RBFOX1: variants seen among roughly 807,000 people sequenced by gnomAD.
RBFOX1 encodes RNA binding protein fox-1 homolog 1.
In RBFOX1, 8 loss-of-function variants were observed where a neutral mutation model predicts 57.7. The observed-to-expected ratio is 0.14, with a 90% CI of 0.08 to 0.25. The LOEUF (loss-of-function observed/expected upper bound fraction) is 0.25, where lower values mean the gene tolerates loss of function less well. Among genes scored for constraint, RBFOX1 ranks in the 10% least tolerant of loss-of-function variants. The probability of loss-of-function intolerance (pLI) is 1.00; values close to 1 mark genes in which losing one functional copy is unlikely to be tolerated. For missense variants in RBFOX1, 611 were observed against 548.5 expected (o/e 1.11, Z -1.14); for synonymous variants, 326 against 222.4 (o/e 1.47, Z -4.15).
chr16:5,779,737 T>C (rs1274668205), intron 3 of RBFOX1, among the ~76,000 whole-genome samples: 1 of 152,136 alleles, frequency 6.6e-6, no homozygotes, highest in Non-Finnish European at 1.5e-5. Flanking sequence ...TGCCCTGATA[T>C]TTGGCCTTGG....
At chr16:6,477,268 A>G (rs940534626) in intron 2 of RBFOX1, among the ~76,000 whole-genome samples, 4 of 152,238 alleles carry the variant, frequency 2.6e-5, no homozygotes, top group African/African-American at 9.6e-5. Context: ...GCCCAGAACC[A>G]TCAGAAGAAT....
chr16:6,179,458 ACT>A (rs1365899788), intron 1 of RBFOX1, among the ~76,000 whole-genome samples: 4 of 151,992 alleles, frequency 2.6e-5, no homozygotes, highest in African/African-American at 9.7e-5. Context: ...CCATGTTGGG[ACT>A]CTCTGATGCC....
At chr16:7,634,301 TAC>T (rs1440154089) in intron 11 of RBFOX1, among the ~76,000 whole-genome samples, 3 of 152,210 alleles carry the variant, frequency 2.0e-5, no homozygotes, top group Non-Finnish European at 4.4e-5. Flanking sequence ...CCTATGTGTC[TAC>T]AGACTTGCAA....
chr16:7,417,722 T>G (rs944828311), intron 4 of RBFOX1, among the ~76,000 whole-genome samples: 4 of 152,206 alleles, frequency 2.6e-5, no homozygotes, highest in Non-Finnish European at 5.9e-5. Context: ...GTGTTCTCCA[T>G]CTTTATAATT....
chr16:6,524,870 C>T (rs1041028474), intron 2 of RBFOX1, among the ~76,000 whole-genome samples: 2 of 152,164 alleles, frequency 1.3e-5, no homozygotes, highest in Admixed American at 6.5e-5. Context: ...ATCTCCCTCT[C>T]TTTATAAGGA....
intron 4 of RBFOX1, among the ~76,000 whole-genome samples, chr16:7,171,573 A>T (rs570008209): frequency 6.6e-6 from 1 of 152,194 alleles, no homozygotes; most frequent in Admixed American, 6.5e-5. Context: ...CAGTGTTTAG[A>T]ATGTAATTTT....
At chr16:5,659,201 C>G (rs997902940) in intron 3 of RBFOX1, among the ~76,000 whole-genome samples, 2 of 151,112 alleles carry the variant, frequency 1.3e-5, no homozygotes, top group Admixed American at 6.6e-5. Context: ...TATGGCCATT[C>G]TTGCAGGCAT....
chr16:6,331,956 A>C (rs922756617), intron 2 of RBFOX1, among the ~76,000 whole-genome samples: 3 of 152,154 alleles, frequency 2.0e-5, no homozygotes, highest in Admixed American at 2.0e-4. Flanking sequence ...AGAGGCTGAC[A>C]TTCTTAATAG....
At chr16:6,897,371 C>G (rs1345681690) in intron 3 of RBFOX1, among the ~76,000 whole-genome samples, 1 of 152,078 alleles carries the variant, frequency 6.6e-6, no homozygotes, top group Non-Finnish European at 1.5e-5. Flanking sequence ...CCATTGCACT[C>G]CAGCCGGGGT....
chr16:5,726,697 A>G (rs1328446236), intron 3 of RBFOX1, among the ~76,000 whole-genome samples: 2 of 152,218 alleles, frequency 1.3e-5, no homozygotes, highest in African/African-American at 4.8e-5. Context: ...TGCAATGCTA[A>G]TAGCTATAGG....
chr16:6,240,381 C>T (rs1217254353), intron 1 of RBFOX1, among the ~76,000 whole-genome samples: 1 of 152,080 alleles, frequency 6.6e-6, no homozygotes. Flanking sequence ...TGGCTTTCAT[C>T]TCTGGATGGT....
intron 3 of RBFOX1, among the ~76,000 whole-genome samples, chr16:6,888,452 C>T (rs900345624): frequency 1.3e-5 from 2 of 152,146 alleles, no homozygotes; most frequent in South Asian, 4.1e-4. Context: ...TAGTCACTTA[C>T]TGTCTTGGGT....
intron 3 of RBFOX1, among the ~76,000 whole-genome samples, chr16:6,990,769 G>C (rs2091291227): frequency 6.6e-6 from 1 of 152,094 alleles, no homozygotes; most frequent in Non-Finnish European, 1.5e-5. Context: ...GTCCATCTCA[G>C]GATAGTTCGA....
At chr16:7,705,972 G>C (rs1337605891) in intron 14 of RBFOX1, among the ~76,000 whole-genome samples, 1 of 152,164 alleles carries the variant, frequency 6.6e-6, no homozygotes, top group African/African-American at 2.4e-5. Flanking sequence ...CCATATAGCT[G>C]GTCGTGTCCT....
At chr16:5,247,349 A>G (rs1390035718) in intron 1 of RBFOX1, among the ~76,000 whole-genome samples, 1 of 152,152 alleles carries the variant, frequency 6.6e-6, no homozygotes, top group Non-Finnish European at 1.5e-5. Context: ...TTGGAGGAGA[A>G]TCCAGCCTTG....
intron 3 of RBFOX1, among the ~76,000 whole-genome samples, chr16:7,031,758 C>T (rs147282639): frequency 9.9e-5 from 15 of 152,172 alleles, no homozygotes; most frequent in East Asian, 1.9e-4. Flanking sequence ...AACAACATCC[C>T]GTGTTTTACC....
chr16:7,693,327 C>G (rs1161624129), intron 14 of RBFOX1: 2 of 1,612,686 alleles, frequency 1.2e-6, no homozygotes, highest in African/African-American at 1.3e-5. Context: ...ATCAGTTCGT[C>G]TTCGTTGCAG....
chr16:6,820,428 G>A (rs2091066680), intron 3 of RBFOX1, among the ~76,000 whole-genome samples: 1 of 152,116 alleles, frequency 6.6e-6, no homozygotes, highest in African/African-American at 2.4e-5. Flanking sequence ...AGGCTGGGGA[G>A]GAAAAATCAG....
chr16:7,155,077 A>G (rs895537686), intron 4 of RBFOX1, among the ~76,000 whole-genome samples: 3 of 152,154 alleles, frequency 2.0e-5, no homozygotes, highest in African/African-American at 7.2e-5. Context: ...GTGTTTCTTC[A>G]AGGTATCAAT....
Sources: allele counts gnomAD v4.1 joint callset (sites outside exome capture counted in the v4.1 genomes callset), GRCh38; gene constraint gnomAD v4.1.1; transcripts MANE v1.5; gene names NCBI Gene and HGNC (gene_info 2026-07-23, HGNC 2026-07-21).